AKAP11: variants seen among roughly 807,000 people sequenced by gnomAD.
AKAP11 encodes A-kinase anchoring protein 11, also known as A-kinase anchor protein 11.
Under a neutral mutation model 146.1 loss-of-function variants are expected in AKAP11, and 36 were observed. That is an observed-to-expected ratio of 0.25 (90% CI 0.19 to 0.33). The LOEUF is 0.33. Ranked by LOEUF, AKAP11 falls within the 10% of genes least tolerant of loss-of-function variation. AKAP11 has a pLI of 1.00. For synonymous variants in AKAP11, 780 were observed against 786.5 expected (o/e 0.99, Z 0.14); for missense variants, 2,201 against 2,197.0 (o/e 1.00, Z -0.04).
In AKAP11 at chr13:42,301,364, G is replaced by A. The variant is rs147799639; in HGVS notation, c.2618G>A (p.Ser873Asn). The A allele has an allele frequency of 2.6e-5, 42 of 1,613,850 alleles. No individual in the cohort carries two copies. The African/African-American group carries it at 4.8e-4, about 18-fold the overall frequency. ...TTACCAAATGATCCTGCAATTATTA[G>A]CAACTTTTCTGCAGCAGTGGTGCAT... ...SKLPNDPAII[S>N]NFSAAVVHTI... The change falls in exon 8 of 13, where the codon AGC becomes AAC. Residue 873 changes from serine (S) to asparagine (N), a missense_variant. Around this residue, in one of 3 missense-constraint regions of AKAP11, gnomAD observed 1,867 missense variants for 1,833.5 expected, o/e 1.02. Transcript: ENST00000025301.
intron 1 of AKAP11, among the ~76,000 whole-genome samples, chr13:42,285,112 G>T (rs1959140658): frequency 6.6e-6 from 1 of 152,094 alleles, no homozygotes; most frequent in Non-Finnish European, 1.5e-5. Context: ...GACGGTGGGG[G>T]GCTAGATTGA....
chr13:42,273,745 A>G (rs1345273686), intron 1 of AKAP11, among the ~76,000 whole-genome samples: 2 of 152,232 alleles, frequency 1.3e-5, no homozygotes, highest in South Asian at 4.1e-4. Context: ...TAGAAGCTGA[A>G]GAAGTCCTCT....
intron 4 of AKAP11, among the ~76,000 whole-genome samples, chr13:42,294,050 AG>A (rs1301838569): frequency 2.6e-5 from 4 of 152,214 alleles, no homozygotes; most frequent in African/African-American, 9.7e-5. Context: ...GATGCCTAGA[AG>A]TTAACTGTAT....
intron 8 of AKAP11, among the ~76,000 whole-genome samples, chr13:42,307,975 A>G (rs895029976): frequency 2.6e-5 from 4 of 152,208 alleles, no homozygotes; most frequent in Admixed American, 6.5e-5. Context: ...GTTATGATCT[A>G]TGTTCAAAAT....
At position 42,303,810 on chromosome 13, in the gene AKAP11, T is replaced by C. The variant is rs751572504; in HGVS notation, c.5064T>C (p.Leu1688=). The C allele has an allele frequency of 6.2e-7, 1 of 1,607,380 alleles. No individual in the cohort carries two copies. The highest frequency in any genetic ancestry group is 8.5e-7 in the Non-Finnish European group (1 of 1,176,270). Reference sequence around the variant, plus strand: ...AGGGTGCCAGCTTTGCTGAAAGCCTTGCCACAGAAACCATGACAGCAGCTG... The same window carrying C: ...AGGGTGCCAGCTTTGCTGAAAGCCTCGCCACAGAAACCATGACAGCAGCTG... The part of the protein sequence containing the change: ...GQEGASFAES[L]ATETMTAAVT... The change falls in exon 8 of 13, where the codon CTT becomes CTC. Residue 1688 remains leucine (L), a synonymous_variant. Coordinates refer to ENST00000025301, the MANE Select transcript of AKAP11 (RefSeq NM_016248.4).
intron 1 of AKAP11, among the ~76,000 whole-genome samples, chr13:42,283,037 TAAAG>T (rs1057076598): frequency 1.3e-5 from 2 of 152,234 alleles, no homozygotes; most frequent in African/African-American, 4.8e-5. Context: ...TATAAGATGC[TAAAG>T]AAATCCTGCT....
intron 8 of AKAP11, among the ~76,000 whole-genome samples, chr13:42,304,121 C>G (rs1960128059): frequency 6.6e-6 from 1 of 152,110 alleles, no homozygotes; most frequent in Non-Finnish European, 1.5e-5. Flanking sequence ...TCACCTTATC[C>G]AAGTTCATAG....
chr13:42,294,325 A>G (rs577065259), intron 4 of AKAP11, among the ~76,000 whole-genome samples: 9 of 152,306 alleles, frequency 5.9e-5, no homozygotes, highest in African/African-American at 1.7e-4. Context: ...ATGTCTTACT[A>G]TGATGCCAAA....
chr13:42,289,736 C>T (rs1959191796), intron 3 of AKAP11, among the ~76,000 whole-genome samples: 1 of 152,106 alleles, frequency 6.6e-6, no homozygotes, highest in Non-Finnish European at 1.5e-5. Flanking sequence ...CTTACCATGT[C>T]ATGAGTTTAT....
chr13:42,290,384 C>T (rs975941110), intron 3 of AKAP11, among the ~76,000 whole-genome samples: 1 of 152,124 alleles, frequency 6.6e-6, no homozygotes, highest in African/African-American at 2.4e-5. Flanking sequence ...GTAATAACCA[C>T]CAGATATCTC....
intron 8 of AKAP11, among the ~76,000 whole-genome samples, chr13:42,304,762 T>C (rs1301386631): frequency 6.6e-6 from 1 of 151,936 alleles, no homozygotes; most frequent in South Asian, 2.1e-4. Context: ...ATTCTTTTTT[T>C]TTTTTTGAGA....
At position 42,302,168 on chromosome 13, in the gene AKAP11, C is replaced by T; in HGVS notation, c.3422C>T (p.Pro1141Leu). 1 of 1,614,138 alleles carries T rather than the reference C, an allele frequency of 6.2e-7. No individual in the cohort carries two copies. Among genetic ancestry groups the T allele is most frequent in the Non-Finnish European group, 8.5e-7 (1 of 1,179,990 alleles). The change falls in exon 8 of 13, where the codon CCA becomes CTA. Residue 1141 changes from proline to leucine, a missense_variant. Around this residue, in one of 3 missense-constraint regions of AKAP11, gnomAD observed 1,867 missense variants for 1,833.5 expected, o/e 1.02. Transcript: ENST00000025301. The stretch of plus-strand genomic sequence containing the variant: ...GCACCTGCTACACCACCTTCTACTC[C>T]ACACAACTCATCTGTTGGTAGTTTG... ...EFAPATPPST[P>L]HNSSVGSLSE... is the part of the protein sequence containing the mutation.
At chr13:42,292,243 A>G in intron 3 of AKAP11, 142 bp from the exon 4 acceptor site, 1 of 424,492 alleles carries the variant, frequency 2.4e-6, no homozygotes, top group Non-Finnish European at 4.3e-6. Context: ...TCTCAGTGGA[A>G]TTGAGTTCCG....
chr13:42,317,604 G>A lies in AKAP11; in HGVS notation c.5481G>A (p.Arg1827=), dbSNP rs1960883222. ...MEPCTVDPQL[R]IILQWLIASE... ...CATGCACGGTAGACCCCCAGCTAAG[G>A]ATTATTCTTCAGTGGCTCATTGCCT... Residue 1827 remains arginine (R), a synonymous_variant, in exon 12 of 13, where the codon AGG becomes AGA. Transcript: ENST00000025301. 6 of 1,614,138 alleles carry A rather than the reference G, an allele frequency of 3.7e-6. No homozygotes were observed. The South Asian group carries it at 4.4e-5, about 12-fold the overall frequency.
intron 5 of AKAP11, among the ~76,000 whole-genome samples, chr13:42,296,652 A>T (rs573676990): frequency 4.1e-4 from 62 of 152,030 alleles, no homozygotes; most frequent in East Asian, 9.6e-4. Context: ...CAGAGTTTTT[A>T]AAAAAAAGTT....
At position 42,301,367 on chromosome 13, in the gene AKAP11, A is replaced by G. The variant is rs1959891633; in HGVS notation, c.2621A>G (p.Asn874Ser). 1 of 1,613,838 alleles carries G rather than the reference A, an allele frequency of 6.2e-7. No homozygotes were observed. The highest frequency in any genetic ancestry group is 8.5e-7 in the Non-Finnish European group (1 of 1,179,916). Residue 874 changes from asparagine (N) to serine (S), a missense_variant, in exon 8 of 13, where the codon AAC becomes AGC. By Grantham distance (46) the Asn-to-Ser change is conservative. This residue lies in a region of AKAP11 where 1,867 missense variants were observed against 1,833.5 expected (regional missense o/e 1.02). Transcript: ENST00000025301. Reference sequence around the variant, plus strand: ...CCAAATGATCCTGCAATTATTAGCAACTTTTCTGCAGCAGTGGTGCATACG... The same window carrying G: ...CCAAATGATCCTGCAATTATTAGCAGCTTTTCTGCAGCAGTGGTGCATACG... ...KLPNDPAIIS[N>S]FSAAVVHTIV...
intron 1 of AKAP11, among the ~76,000 whole-genome samples, chr13:42,281,050 G>T (rs1959048440): frequency 6.6e-6 from 1 of 152,138 alleles, no homozygotes; most frequent in Non-Finnish European, 1.5e-5. Context: ...GGGATATTTA[G>T]TTGGAAGTGT....
rs951961430 is a variant in AKAP11 at position 42,301,857 on chromosome 13, G to C, written c.3111G>C (p.Lys1037Asn). The C allele has an allele frequency of 3.1e-6, 5 of 1,614,140 alleles. No homozygotes were observed. The highest frequency in any genetic ancestry group is 4.2e-6 in the Non-Finnish European group (5 of 1,180,008). The change falls in exon 8 of 13, where the codon AAG (lysine) becomes AAC (asparagine). Residue 1037 changes from lysine to asparagine, a missense_variant. Transcript: ENST00000025301. ...TGACAGGTCAGAAATCTGACTTGAAGGAATCTGCTAAGGATCAACCACTGA... is the reference window on the plus strand; with the variant it reads ...TGACAGGTCAGAAATCTGACTTGAACGAATCTGCTAAGGATCAACCACTGA... The part of the protein sequence containing the change: ...PAVTGQKSDL[K>N]ESAKDQPLKK...
rs765889634 is a variant in AKAP11 at position 42,300,832 on chromosome 13, T to C, written c.2086T>C (p.Ser696Pro). ...GTTGTATGCAAAAGATTTGTCTGAA[T>C]CTGTAATACAGGAAGCATTCATTGA... ...VKLYAKDLSE[S>P]VIQEAFIELS... is the part of the protein sequence containing the mutation. The change falls in exon 8 of 13, where the codon TCT becomes CCT. Residue 696 changes from serine (S) to proline (P), a missense_variant. Ser to Pro is a moderately conservative substitution (Grantham distance 74). Transcript: ENST00000025301. 2 of 1,614,140 alleles carry C rather than the reference T, an allele frequency of 1.2e-6. No homozygotes were observed. Among genetic ancestry groups the C allele is most frequent in the Admixed American group, 3.3e-5 (2 of 60,018 alleles).
Sources: gnomAD v4.1 joint callset for allele counts (sites outside exome capture counted in the v4.1 genomes callset) on GRCh38, gnomAD v4.1.1 for gene constraint, gnomAD v4.1.1 regional missense constraint, MANE v1.5 for transcripts, NCBI Gene and HGNC (gene_info 2026-07-23, HGNC 2026-07-21) for gene names.